Variants in VGLL4 observed in about 807,000 individuals in gnomAD.
VGLL4 encodes vestigial like family member 4, also known as transcription cofactor vestigial-like protein 4.
Under a neutral mutation model 21.0 loss-of-function variants are expected in VGLL4, and 7 were observed. That is an observed-to-expected ratio of 0.33 (90% CI 0.19 to 0.63). The LOEUF is 0.63. Among genes scored for constraint, VGLL4 ranks in the 20% least tolerant of loss-of-function variants. The pLI, the probability that VGLL4 is intolerant of heterozygous loss-of-function variation, is 0.78. For missense variants in VGLL4, 394 were observed against 425.7 expected, an observed-to-expected ratio of 0.93 and a Z score of 0.66; for synonymous variants, 222 against 173.2, an observed-to-expected ratio of 1.28 and a Z score of -2.21.
Position 11,556,206 on chromosome 3 carries a change from GAGA to G in VGLL4, c.*2347_*2349del, listed in dbSNP as rs1375062716. ...TATATTACAGATTTACACACATGAA[GAGA>G]AGGTCAGAGCGCACTGCAGGCAGCG... On this transcript the variant is annotated 3_prime_UTR_variant, in exon 5 of 5. Coordinates refer to ENST00000430365, the MANE Select transcript of VGLL4 (RefSeq NM_001128219.3). 2.0e-5 allele frequency: 3 copies of G among 152,588 alleles called. No homozygotes were observed. 9.5% of individuals were successfully genotyped at this position (152,588 alleles called of 1,614,324 possible). A position where few individuals can be genotyped will look rare whatever the true frequency, so the allele number is the denominator to read the frequency against.
chr3:11,666,240 CT>C (rs2076123892), intron 2 of VGLL4, among the ~76,000 whole-genome samples: 1 of 142,484 alleles, frequency 7.0e-6, no homozygotes, highest in Non-Finnish European at 1.5e-5. Flanking sequence ...GAGAGCGAGA[CT>C]GCGCCTCAAA....
intron 2 of VGLL4, among the ~76,000 whole-genome samples, chr3:11,569,594 GAGT>G (rs2073695515): frequency 6.6e-6 from 1 of 152,254 alleles, no homozygotes; most frequent in African/African-American, 2.4e-5. Context: ...CAGGGCCAGT[GAGT>G]GGGCCGGGAC....
At chr3:11,615,556 GCT>G (rs2075146384) in intron 1 of VGLL4, among the ~76,000 whole-genome samples, 1 of 152,228 alleles carries the variant, frequency 6.6e-6, no homozygotes, top group Non-Finnish European at 1.5e-5. Context: ...ATTGCTCCTT[GCT>G]CTGTTAGAAA....
At chr3:11,693,091 G>A (rs2125394892) in intron 2 of VGLL4, 1 of 205,610 alleles carries the variant, frequency 4.9e-6, no homozygotes, top group South Asian at 5.5e-5. Context: ...GATCACTTGA[G>A]CCCCAGGGGG....
chr3:11,678,079 A>G (rs2125376845), intron 2 of VGLL4, among the ~76,000 whole-genome samples: 1 of 152,052 alleles, frequency 6.6e-6, no homozygotes, highest in South Asian at 2.1e-4. Context: ...GAGGCAATAG[A>G]GTCTCACTCT....
intron 1 of VGLL4, among the ~76,000 whole-genome samples, chr3:11,631,231 G>A (rs1356712454): frequency 3.9e-5 from 6 of 151,918 alleles, no homozygotes; most frequent in South Asian, 2.1e-4. Context: ...AAGGAAGCTC[G>A]AGGAGGCTCA....
intron 1 of VGLL4, among the ~76,000 whole-genome samples, chr3:11,638,264 G>A (rs1559916327): frequency 6.6e-6 from 1 of 152,150 alleles, no homozygotes; most frequent in Non-Finnish European, 1.5e-5. Context: ...AGACAATAGG[G>A]AACGGAGGAA....
intron 1 of VGLL4, among the ~76,000 whole-genome samples, chr3:11,622,142 CCAA>C (rs1397691550): frequency 6.6e-6 from 1 of 152,188 alleles, no homozygotes; most frequent in Non-Finnish European, 1.5e-5. Context: ...TTCAGAGGTA[CCAA>C]CAAGAAACCT....
At chr3:11,583,058 C>T (rs1195194159) in intron 2 of VGLL4, among the ~76,000 whole-genome samples, 1 of 152,090 alleles carries the variant, frequency 6.6e-6, no homozygotes, top group Non-Finnish European at 1.5e-5. Flanking sequence ...ATCAAGTAGC[C>T]CGGAGAAGTG....
At chr3:11,596,187 A>G (rs1195849892) in intron 2 of VGLL4, among the ~76,000 whole-genome samples, 1 of 152,178 alleles carries the variant, frequency 6.6e-6, no homozygotes, top group East Asian at 1.9e-4. Flanking sequence ...GAGCATGTTC[A>G]TATCTTACAT....
intron 1 of VGLL4, among the ~76,000 whole-genome samples, chr3:11,716,237 A>T (rs1217796995): frequency 6.7e-6 from 1 of 149,050 alleles, no homozygotes; most frequent in African/African-American, 2.5e-5. Context: ...GGAAGGTGGA[A>T]GTTGCAGTGA....
At chr3:11,610,428 T>A (rs559266146) in intron 1 of VGLL4, 1 of 152,338 alleles carries the variant, frequency 6.6e-6, no homozygotes, top group African/African-American at 2.4e-5. Context: ...AGCCGTGACG[T>A]GCTGTCTGCC....
chr3:11,593,303 C>T (rs2074548348), intron 2 of VGLL4, among the ~76,000 whole-genome samples: 1 of 152,176 alleles, frequency 6.6e-6, no homozygotes, highest in South Asian at 2.1e-4. Context: ...ATACCAAAAA[C>T]TACAGATACT....
chr3:11,614,744 C>T (rs1359580317), intron 1 of VGLL4, among the ~76,000 whole-genome samples: 1 of 152,218 alleles, frequency 6.6e-6, no homozygotes, highest in Non-Finnish European at 1.5e-5. Flanking sequence ...AGTCCTGACA[C>T]AGTGGAAGCA....
intron 2 of VGLL4, among the ~76,000 whole-genome samples, chr3:11,589,961 C>T (rs866722063): frequency 6.6e-6 from 1 of 152,202 alleles, no homozygotes; most frequent in African/African-American, 2.4e-5. Context: ...GGGGACACCA[C>T]TCAGTCCATA....
At chr3:11,570,615 T>A (rs1182787068) in intron 2 of VGLL4, among the ~76,000 whole-genome samples, 3 of 152,228 alleles carry the variant, frequency 2.0e-5, no homozygotes, top group African/African-American at 7.2e-5. Context: ...TGAGTCCAGT[T>A]AACAGCGTTT....
At chr3:11,720,073 C>T (rs896588939) in intron 1 of VGLL4, among the ~76,000 whole-genome samples, 1 of 152,038 alleles carries the variant, frequency 6.6e-6, no homozygotes, top group Non-Finnish European at 1.5e-5. Context: ...TAGGTCCCTG[C>T]TCCCGGGGGA....
rs139805455 is a variant in VGLL4 at position 11,584,960 on chromosome 3, G to A, written c.272+16873C>T. Among the ~76,000 whole-genome samples, 217 of 152,088 alleles carry A rather than the reference G, an allele frequency of 1.4e-3. 1 individual carries two copies. The highest frequency in any genetic ancestry group is 3.8e-4 in the Non-Finnish European group (26 of 67,990). On this transcript the variant is annotated intron_variant, in intron 2 of 4. Transcript: ENST00000430365. ...ACCACCACCACCACCGGCTCCAAGT[G>A]TCACAACTTGGTGACCTTCCTAGGT...
intron 2 of VGLL4, among the ~76,000 whole-genome samples, chr3:11,700,710 G>A (rs1020813321): frequency 3.9e-5 from 6 of 152,198 alleles, no homozygotes; most frequent in Non-Finnish European, 7.3e-5. Context: ...AGACATCCCC[G>A]ACACAGGATG....
Sources: gnomAD v4.1 joint callset for allele counts (sites outside exome capture counted in the v4.1 genomes callset) on GRCh38, gnomAD v4.1.1 for gene constraint, MANE v1.5 for transcripts, NCBI Gene and HGNC (gene_info 2026-07-23, HGNC 2026-07-21) for gene names.